The following EHMT1 variants were observed in gnomAD, a reference collection of about 807,000 sequenced individuals.
EHMT1 encodes the protein histone-lysine N-methyltransferase EHMT1.
EHMT1 carries 15 observed loss-of-function variants against 147.2 expected under a neutral mutation model. The ratio of observed to expected loss-of-function variants is 0.10; its 90% CI spans 0.07 to 0.16. The LOEUF (loss-of-function observed/expected upper bound fraction) is 0.16, where lower values mean the gene tolerates loss of function less well. EHMT1 is among the 10% of genes least tolerant of loss of function. The pLI is 1.00. For synonymous variants in EHMT1, 795 were observed against 709.6 expected (o/e 1.12, Z -1.91); for missense variants, 1,587 against 1,772.4 (o/e 0.90, Z 1.88).
At chr9:137,661,961 C>A (rs1939133688) in intron 1 of EHMT1, among the ~76,000 whole-genome samples, 1 of 152,012 alleles carries the variant, frequency 6.6e-6, no homozygotes. Context: ...CGCCACCATG[C>A]CCAGCTAATT....
intron 25 of EHMT1, among the ~76,000 whole-genome samples, chr9:137,821,435 T>C (rs1955416544): frequency 6.6e-6 from 1 of 151,040 alleles, no homozygotes; most frequent in Non-Finnish European, 1.5e-5. Flanking sequence ...TTAAGTGATC[T>C]TCCTGCCTTG....
chr9:137,652,565 T>C (rs1937960945), intron 1 of EHMT1, among the ~76,000 whole-genome samples: 1 of 151,514 alleles, frequency 6.6e-6, no homozygotes, highest in South Asian at 2.1e-4. Context: ...TTTTTATTTT[T>C]AGTAGAGGTG....
At chr9:137,750,095 A>G (rs896571143) in intron 6 of EHMT1, among the ~76,000 whole-genome samples, 2 of 152,260 alleles carry the variant, frequency 1.3e-5, no homozygotes, top group African/African-American at 4.8e-5. Context: ...TGAAACATCT[A>G]GCAAAATCAG....
At chr9:137,805,828 A>G (rs1206017888) in intron 18 of EHMT1, among the ~76,000 whole-genome samples, 1 of 151,368 alleles carries the variant, frequency 6.6e-6, no homozygotes, top group Non-Finnish European at 1.5e-5. Flanking sequence ...ACGCCTGGCT[A>G]ATTTTTGTAT....
At chr9:137,741,786 T>G (rs1948105321) in intron 4 of EHMT1, among the ~76,000 whole-genome samples, 1 of 152,146 alleles carries the variant, frequency 6.6e-6, no homozygotes, top group Admixed American at 6.6e-5. Context: ...TTCAACCTGT[T>G]TGGTTGGGAA....
Position 137,834,411 on chromosome 9 carries a change from C to T in EHMT1, c.3603C>T (p.His1201=), listed in dbSNP as rs1319100954. Residue 1201 remains histidine (H), a synonymous_variant, in exon 26 of 27, where the codon CAC becomes CAT. Coordinates refer to ENST00000460843, the MANE Select transcript of EHMT1 (RefSeq NM_024757.5). ...FYGNVSRFIN[H]HCEPNLVPVR... Reference sequence around the variant, plus strand: ...GGAACGTCAGCCGGTTCATCAACCACCACTGCGAGCCCAACCTGGTGCCCG... The same window carrying T: ...GGAACGTCAGCCGGTTCATCAACCATCACTGCGAGCCCAACCTGGTGCCCG... 6.2e-7 allele frequency: 1 copy of T among 1,613,386 alleles called. No individual in the cohort carries two copies. Among genetic ancestry groups the T allele is most frequent in the Admixed American group, 1.7e-5 (1 of 60,028 alleles).
In EHMT1 at chr9:137,835,070, C is replaced by T; in HGVS notation, c.*117C>T. ...GGGTCCTTCGGGGCTGCGCCGCCGG[C>T]TTCCTGGAGGGGTCGGAGGTGAGGC... is the stretch of plus-strand genomic sequence containing the variant. On this transcript the variant is annotated 3_prime_UTR_variant, in exon 27 of 27. Coordinates refer to ENST00000460843, the MANE Select transcript of EHMT1 (RefSeq NM_024757.5). 4 of 1,223,892 alleles carry T rather than the reference C, an allele frequency of 3.3e-6. No individual in the cohort carries two copies. The highest frequency in any genetic ancestry group is 4.2e-6 in the Non-Finnish European group (4 of 950,992). The allele number at this position is 1,223,892 out of a possible 1,614,324, so 75.8% of individuals were successfully genotyped here.
chr9:137,816,358 G>A lies in EHMT1; in HGVS notation c.3374+296G>A, dbSNP rs770852658. The A allele has an allele frequency of 7.6e-5, 34 of 448,232 alleles. 2 individuals carry two copies. The highest frequency in any genetic ancestry group is 2.1e-4 in the South Asian group (10 of 48,644). The allele number at this position is 448,232 out of a possible 1,614,324, so 27.8% of individuals were successfully genotyped here. ...TGGCCTAAGAATTACCTTTGTTACC[G>A]AGTTCATGCGAACATTCTTCAACAG... is the stretch of plus-strand genomic sequence containing the variant. On this transcript the variant is annotated intron_variant, in intron 23 of 26. Transcript: ENST00000460843.
At chr9:137,794,814 C>T (rs148373243) in intron 16 of EHMT1, among the ~76,000 whole-genome samples, 41 of 152,186 alleles carry the variant, frequency 2.7e-4, no homozygotes, top group African/African-American at 8.2e-4. Context: ...ATCCAGTAAA[C>T]GTACCCTTCA....
chr9:137,633,125 C>G (rs538698493), intron 1 of EHMT1, among the ~76,000 whole-genome samples: 1 of 152,040 alleles, frequency 6.6e-6, no homozygotes, highest in Admixed American at 6.6e-5. Context: ...TCTGCTTGAA[C>G]GGAAGGGTGG....
At chr9:137,707,293 A>C (rs1266120684) in intron 1 of EHMT1, among the ~76,000 whole-genome samples, 1 of 152,216 alleles carries the variant, frequency 6.6e-6, no homozygotes, top group East Asian at 1.9e-4. Flanking sequence ...GGGCTACAGA[A>C]GCAGCATCCC....
intron 10 of EHMT1, chr9:137,764,789 T>A (rs1950105798): frequency 6.6e-6 from 1 of 152,260 alleles, no homozygotes; most frequent in Non-Finnish European, 1.5e-5. Flanking sequence ...TTAAGTCTTT[T>A]GTGTTTCTTT....
rs550884383 is a variant in EHMT1 at position 137,717,555 on chromosome 9, C to A, written c.642+373C>A. 2.0e-3 allele frequency among the ~76,000 whole-genome samples: 291 copies of A among 145,864 alleles called. 1 individual carries two copies. Among genetic ancestry groups the A allele is most frequent in the Non-Finnish European group, 3.3e-3 (224 of 67,218 alleles). ...AGCCTGGTGGAGACTGCAGTGAGCC[C>A]GGATCACCTCACTGCACTCCAGCTT... is the stretch of plus-strand genomic sequence containing the variant. On this transcript the variant is annotated intron_variant, in intron 3 of 26. Transcript: ENST00000460843.
chr9:137,811,582 T>C lies in EHMT1; in HGVS notation c.2834T>C (p.Ile945Thr), dbSNP rs1278523768. 1.9e-6 allele frequency: 3 copies of C among 1,605,328 alleles called. No homozygotes were observed. The highest frequency in any genetic ancestry group is 2.5e-6 in the Non-Finnish European group (3 of 1,179,966). Residue 945 changes from isoleucine (I) to threonine (T), a missense_variant, in exon 19 of 27, where the codon ATT becomes ACT. By Grantham distance (89) the Ile-to-Thr change is moderately conservative. Transcript: ENST00000460843. ...ATCCACGGAGACTCGCCACTGCACA[T>C]TGCCGCCCGGGAGAACCGCTACGAC... ...VNIHGDSPLHIAARENRYDCV... is the reference protein window; with the variant it reads ...VNIHGDSPLHTAARENRYDCV...
chr9:137,623,102 A>G (rs1267005019), intron 1 of EHMT1, among the ~76,000 whole-genome samples: 2 of 150,670 alleles, frequency 1.3e-5, no homozygotes, highest in Non-Finnish European at 3.0e-5. Flanking sequence ...AGTCCCAGCT[A>G]CTCGGGAGGC....
intron 10 of EHMT1, among the ~76,000 whole-genome samples, chr9:137,765,679 C>CA (rs1950171390): frequency 9.1e-4 from 2 of 2,206 alleles, no homozygotes; most frequent in Non-Finnish European, 1.2e-3. Flanking sequence ...CCGCCCCCGC[C>CA]GCCCCAGCCT....
chr9:137,682,924 A>G (rs1006101178), intron 1 of EHMT1, among the ~76,000 whole-genome samples: 3 of 152,332 alleles, frequency 2.0e-5, no homozygotes, highest in Admixed American at 2.0e-4. Context: ...TGCACGTGCG[A>G]GTGAGTGCCC....
intron 1 of EHMT1, among the ~76,000 whole-genome samples, chr9:137,663,031 C>T (rs759627404): frequency 6.6e-6 from 1 of 151,962 alleles, no homozygotes; most frequent in Non-Finnish European, 1.5e-5. Context: ...TGACCTCAGG[C>T]GATCACCTGC....
chr9:137,625,483 A>G (rs1428934804), intron 1 of EHMT1, among the ~76,000 whole-genome samples: 1 of 151,924 alleles, frequency 6.6e-6, no homozygotes, highest in African/African-American at 2.4e-5. Context: ...GACTACAGGC[A>G]CGTGCTACCA....
Sources: allele counts gnomAD v4.1 joint callset (sites outside exome capture counted in the v4.1 genomes callset), GRCh38; gene constraint gnomAD v4.1.1; transcripts MANE v1.5; gene names NCBI Gene and HGNC (gene_info 2026-07-23, HGNC 2026-07-21).